Variants in NACAD observed in about 807,000 individuals in gnomAD.
NACAD encodes NAC alpha domain containing, also known as NAC-alpha domain-containing protein 1.
In NACAD, 47 loss-of-function variants were observed where a neutral mutation model predicts 98.9. The ratio of observed to expected loss-of-function variants is 0.48; its 90% CI spans 0.38 to 0.61. NACAD has a LOEUF of 0.61. Among genes scored for constraint, NACAD ranks in the 20% least tolerant of loss-of-function variants. The probability of loss-of-function intolerance (pLI) is 0.00; values close to 1 mark genes in which losing one functional copy is unlikely to be tolerated. For missense variants in NACAD, 1,412 were observed against 1,748.2 expected, an observed-to-expected ratio of 0.81 and a Z score of 3.43; for synonymous variants, 696 against 767.2, an observed-to-expected ratio of 0.91 and a Z score of 1.53.
intron 7 of NACAD, 39 bp downstream of exon 7, chr7:45,080,601 A>G: frequency 6.4e-7 from 1 of 1,551,428 alleles, no homozygotes; most frequent in Non-Finnish European, 8.7e-7. Context: ...GCCCTTGGGG[A>G]CAGCTCAGGG....
At position 45,085,631 on chromosome 7, in the gene NACAD, G is replaced by C; in HGVS notation, c.549C>G (p.Thr183=). The C allele has an allele frequency of 6.5e-7, 1 of 1,548,742 alleles. No homozygotes were observed. Among genetic ancestry groups the C allele is most frequent in the East Asian group, 2.4e-5 (1 of 40,870 alleles). ...FFTPPSTPTK[T]TYALLPACGP... ...CACAGGCAGGAAGCAGGGCATAGGT[G>C]GTCTTGGTGGGGGTGGAGGGAGGCG... is the stretch of plus-strand genomic sequence containing the variant. Residue 183 remains threonine, a synonymous_variant, in exon 2 of 8, where the codon ACC becomes ACG. Transcript: ENST00000490531. This position sits in a 1 kb window ranked among gnomAD's most constrained non-coding sequence, Gnocchi z 6.1.
At chr7:45,081,309 C>T (rs1310210385) in intron 4 of NACAD, 46 bp from the exon 5 acceptor site, 15 of 1,542,840 alleles carry the variant, frequency 9.7e-6, no homozygotes, top group South Asian at 2.4e-5. Flanking sequence ...TGTTGACCCA[C>T]GTCGGGGGAG....
chr7:45,082,759 A>G lies in NACAD; in HGVS notation c.3421T>C (p.Ser1141Pro). 1 of 1,548,080 alleles carries G rather than the reference A, an allele frequency of 6.5e-7. No homozygotes were observed. Among genetic ancestry groups the G allele is most frequent in the Non-Finnish European group, 8.7e-7 (1 of 1,145,742 alleles). ...AGACTGGCCTCTGTGGCCACAGCTG[A>G]GGGAAGCGTGGGCTCCGGGGTGGAC... ...GKSTPEPTLP[S>P]AVATEASLDS... Residue 1141 changes from serine (S) to proline (P), a missense_variant, in exon 2 of 8, where the codon TCA (serine) becomes CCA (proline). Around this residue, in one of 5 missense-constraint regions of NACAD, gnomAD observed 572 missense variants for 639.6 expected, o/e 0.89. Coordinates refer to ENST00000490531, the MANE Select transcript of NACAD (RefSeq NM_001146334.2). The surrounding 1 kb of genome is among the most constrained non-coding windows in gnomAD (Gnocchi z 4.5).
Position 45,085,087 on chromosome 7 carries a change from G to A in NACAD, c.1093C>T (p.Leu365=). 1 of 1,551,106 alleles carries A rather than the reference G, an allele frequency of 6.4e-7. No homozygotes were observed. The highest frequency in any genetic ancestry group is 8.7e-7 in the Non-Finnish European group (1 of 1,146,946). The change falls in exon 2 of 8, where the codon CTG becomes TTG. Residue 365 remains leucine, a synonymous_variant. Transcript: ENST00000490531. This position sits in a 1 kb window ranked among gnomAD's most constrained non-coding sequence, Gnocchi z 6.1. ...DSTSASFLQS[L]SDLSITEGMD... The stretch of plus-strand genomic sequence containing the variant: ...CCCTCCGTGATGGACAGGTCAGACA[G>A]TGACTGCAGGAAGGAGGCAGACGTG...
At position 45,088,898 on chromosome 7, in the gene NACAD, C is replaced by G; in HGVS notation, c.-4G>C. ...CGCGGGCAGCCTCCCCAGGCATGGC[C>G]TGGCCGTGCGCCCGCCCGTCCCTCA... On this transcript the variant is annotated 5_prime_UTR_variant, in exon 1 of 8. Transcript: ENST00000490531. The surrounding 1 kb of genome is among the most constrained non-coding windows in gnomAD (Gnocchi z 5.7). The G allele has an allele frequency of 7.0e-7, 1 of 1,432,572 alleles. No individual in the cohort carries two copies. Among genetic ancestry groups the G allele is most frequent in the Non-Finnish European group, 9.1e-7 (1 of 1,094,626 alleles). 88.7% of individuals were successfully genotyped at this position (1,432,572 alleles called of 1,614,324 possible). A position where few individuals can be genotyped will look rare whatever the true frequency, so the allele number is the denominator to read the frequency against.
intron 1 of NACAD, among the ~76,000 whole-genome samples, chr7:45,087,479 A>G (rs1036988515): frequency 7.9e-5 from 12 of 152,234 alleles, no homozygotes; most frequent in Non-Finnish European, 2.9e-5. Flanking sequence ...CCAGCTCTCC[A>G]GGCTGCAGAT....
chr7:45,082,008 C>T lies in NACAD; in HGVS notation c.4072+100G>A, dbSNP rs1332387000. ...ATGGTGGCTGTGGGGTCTGGGCCCC[C>T]CACCTCGCCACCTCAGAGGCCCTCC... On this transcript the variant is annotated intron_variant, in intron 2 of 7. Coordinates refer to ENST00000490531, the MANE Select transcript of NACAD (RefSeq NM_001146334.2). This position sits in a 1 kb window ranked among gnomAD's most constrained non-coding sequence, Gnocchi z 4.5. The T allele has an allele frequency of 2.5e-5, 36 of 1,455,954 alleles. No individual in the cohort carries two copies. The highest frequency in any genetic ancestry group is 2.9e-5 in the Non-Finnish European group (32 of 1,098,370). 90.2% of individuals were successfully genotyped at this position (1,455,954 alleles called of 1,614,324 possible).
At chr7:45,086,633 C>T (rs1784526947) in intron 1 of NACAD, among the ~76,000 whole-genome samples, 1 of 152,268 alleles carries the variant, frequency 6.6e-6, no homozygotes, top group South Asian at 2.1e-4. Context: ...CCTCTCTCTG[C>T]TGTCCTTGCT....
At chr7:45,087,941 A>G (rs753966454) in intron 1 of NACAD, among the ~76,000 whole-genome samples, 15 of 152,190 alleles carry the variant, frequency 9.9e-5, no homozygotes, top group Non-Finnish European at 2.2e-4. Context: ...GTCACCAAGC[A>G]AGCCAGAACA....
chr7:45,088,564 G>A lies in NACAD; in HGVS notation c.67+264C>T, dbSNP rs1197904495. 2.0e-5 allele frequency among the ~76,000 whole-genome samples: 3 copies of A among 152,224 alleles called. No homozygotes were observed. The highest frequency in any genetic ancestry group is 7.2e-5 in the African/African-American group (3 of 41,462). The stretch of plus-strand genomic sequence containing the variant: ...GCAGCGGGCGGGATGCGAGCCCCAC[G>A]ATCCCTGGGTCGGAAGCCAAGGGCT... On this transcript the variant is annotated intron_variant, in intron 1 of 7. Coordinates refer to ENST00000490531, the MANE Select transcript of NACAD (RefSeq NM_001146334.2). This position sits in a 1 kb window ranked among gnomAD's most constrained non-coding sequence, Gnocchi z 5.7.
Position 45,085,379 on chromosome 7 carries a change from T to C in NACAD, c.801A>G (p.Pro267=). The C allele has an allele frequency of 6.5e-7, 1 of 1,548,866 alleles. No individual in the cohort carries two copies. The highest frequency in any genetic ancestry group is 8.7e-7 in the Non-Finnish European group (1 of 1,145,882). The change falls in exon 2 of 8, where the codon CCA becomes CCG. Residue 267 remains proline, a synonymous_variant. Transcript: ENST00000490531. The surrounding 1 kb of genome is among the most constrained non-coding windows in gnomAD (Gnocchi z 6.1). Reference sequence around the variant, plus strand: ...AGGACGGGGGCTCTGGGGTCCCTGCTGGGTGCAGCTCTCGTTCATCCACCA... The same window carrying C: ...AGGACGGGGGCTCTGGGGTCCCTGCCGGGTGCAGCTCTCGTTCATCCACCA... ...GSMVDERELH[P]AGTPEPPSSE... is the part of the protein sequence containing the mutation.
At position 45,082,309 on chromosome 7, in the gene NACAD, G is replaced by C; in HGVS notation, c.3871C>G (p.Leu1291Val). The change falls in exon 2 of 8, where the codon CTG (leucine) becomes GTG (valine). Residue 1291 changes from leucine (L) to valine (V), a missense_variant. Transcript: ENST00000490531. This position sits in a 1 kb window ranked among gnomAD's most constrained non-coding sequence, Gnocchi z 4.5. ...AAAVSGTTQPLGTGPRVSLSP... is the reference protein window; with the variant it reads ...AAAVSGTTQPVGTGPRVSLSP... Reference sequence around the variant, plus strand: ...AGGCTGACTCGCGGCCCAGTCCCCAGAGGCTGTGTGGTTCCTGAGACAGCA... The same window carrying C: ...AGGCTGACTCGCGGCCCAGTCCCCACAGGCTGTGTGGTTCCTGAGACAGCA... The C allele has an allele frequency of 6.4e-7, 1 of 1,550,608 alleles. No individual in the cohort carries two copies.
intron 4 of NACAD, 151 bp downstream of exon 4, chr7:45,081,449 GT>G: frequency 8.0e-7 from 1 of 1,246,810 alleles, no homozygotes; most frequent in Non-Finnish European, 1.1e-6. Context: ...AGCCTCAGCT[GT>G]TTAGGGGAAG....
At position 45,081,271 on chromosome 7, in the gene NACAD, T is replaced by A; in HGVS notation, c.4258-8A>T. 6.4e-7 allele frequency: 1 copy of A among 1,550,762 alleles called. No homozygotes were observed. Among genetic ancestry groups the A allele is most frequent in the Non-Finnish European group, 8.7e-7 (1 of 1,146,830 alleles). On this transcript the variant is annotated splice_polypyrimidine_tract_variant and splice_region_variant and intron_variant, in intron 4 of 7. Transcript: ENST00000490531. ...GCCCAGCTTTGACATTGCCTGGGAG[T>A]AGAGGGCAGAGGGGGGCTCAGACCT...
chr7:45,086,743 G>T (rs986566314), intron 1 of NACAD, among the ~76,000 whole-genome samples: 1 of 152,230 alleles, frequency 6.6e-6, no homozygotes, highest in Non-Finnish European at 1.5e-5. Flanking sequence ...GCCACCACAC[G>T]CAGCCAAGTT....
rs1381067815 is a variant in NACAD at position 45,081,080 on chromosome 7, C to T, written c.4404+37G>A. 11 of 1,550,898 alleles carry T rather than the reference C, an allele frequency of 7.1e-6. No homozygotes were observed. In the Admixed American group the frequency reaches 1.6e-4, roughly 22 times the overall value. ...CCTGTCCCCCCCTTGTCCCCTATCC[C>T]TCGGATCCCCCATTCCACCACAGCC... On this transcript the variant is annotated intron_variant, in intron 5 of 7. Coordinates refer to ENST00000490531, the MANE Select transcript of NACAD (RefSeq NM_001146334.2).
At chr7:45,081,561 G>A in intron 4 of NACAD, 40 bp downstream of exon 4, 2 of 1,548,742 alleles carry the variant, frequency 1.3e-6, no homozygotes, top group Non-Finnish European at 8.7e-7. Context: ...CCACACAGAT[G>A]GTCCCAGGCC....
At position 45,088,006 on chromosome 7, in the gene NACAD, C is replaced by T. The variant is rs1475900112; in HGVS notation, c.67+822G>A. Among the ~76,000 whole-genome samples, 1 of 152,228 alleles carries T rather than the reference C, an allele frequency of 6.6e-6. No homozygotes were observed. The highest frequency in any genetic ancestry group is 1.5e-5 in the Non-Finnish European group (1 of 68,018). ...GTCTGGGCCTGCACTCCCTGCCTCCCACCTAGAGCAGAGGCAGCAGCCTGT... is the reference window on the plus strand; with the variant it reads ...GTCTGGGCCTGCACTCCCTGCCTCCTACCTAGAGCAGAGGCAGCAGCCTGT... On this transcript the variant is annotated intron_variant, in intron 1 of 7. Transcript: ENST00000490531. The surrounding 1 kb of genome is among the most constrained non-coding windows in gnomAD (Gnocchi z 5.7).
In NACAD at chr7:45,081,800, G is replaced by A. The variant is rs369683593; in HGVS notation, c.4140C>T (p.Asp1380=). 85 of 1,550,640 alleles carry A rather than the reference G, an allele frequency of 5.5e-5. No homozygotes were observed. In the African/African-American group the frequency reaches 6.2e-4, roughly 11 times the overall value. The part of the protein sequence containing the change: ...DSHGESSAEL[D]EQDILAPQTV... The stretch of plus-strand genomic sequence containing the variant: ...TCTGAGGAGCCAAGATGTCCTGCTC[G>A]TCCAGCTCGGCTGATGACTCCCCGT... The change falls in exon 3 of 8, where the codon GAC becomes GAT. Residue 1380 remains aspartate, a synonymous_variant. Coordinates refer to ENST00000490531, the MANE Select transcript of NACAD (RefSeq NM_001146334.2).
Sources: allele counts gnomAD v4.1 joint callset (sites outside exome capture counted in the v4.1 genomes callset), GRCh38; gene constraint gnomAD v4.1.1; regional missense constraint gnomAD v4.1.1; non-coding constraint Gnocchi (gnomAD v3.1); transcripts MANE v1.5; gene names NCBI Gene and HGNC (gene_info 2026-07-23, HGNC 2026-07-21).